KIF6: variants seen among roughly 807,000 people sequenced by gnomAD.
KIF6 encodes the protein kinesin family member 6, also known as kinesin-like protein KIF6.
KIF6 carries 106 observed loss-of-function variants against 112.7 expected under a neutral mutation model. That is an observed-to-expected ratio of 0.94 (90% CI 0.80 to 1.11). The LOEUF is 1.11. Ranked by LOEUF, KIF6 falls within the 50% of genes least tolerant of loss-of-function variation. KIF6 has a pLI of 0.00. For missense variants in KIF6, 929 were observed against 964.0 expected, an observed-to-expected ratio of 0.96 and a Z score of 0.48; for synonymous variants, 339 against 339.9, an observed-to-expected ratio of 1.00 and a Z score of 0.03.
chr6:39,578,170 C>A lies in KIF6; in HGVS notation c.1078-11G>T, dbSNP rs745374952. 6.4e-7 allele frequency: 1 copy of A among 1,559,006 alleles called. No homozygotes were observed. Among genetic ancestry groups the A allele is most frequent in the South Asian group, 1.1e-5 (1 of 89,906 alleles). Reference sequence around the variant, plus strand: ...TAGGCGTTTAATCACCTACAAATGGCAAAGAGGCAGAGAAAATGTCAACTT... The same window carrying A: ...TAGGCGTTTAATCACCTACAAATGGAAAAGAGGCAGAGAAAATGTCAACTT... On this transcript the variant is annotated splice_polypyrimidine_tract_variant and intron_variant, in intron 9 of 22. Transcript: ENST00000287152.
At chr6:39,420,151 G>T in intron 14 of KIF6, 148 bp from the exon 15 acceptor site, 1 of 620,358 alleles carries the variant, frequency 1.6e-6, no homozygotes, top group Non-Finnish European at 2.8e-6. Flanking sequence ...AATATATTAG[G>T]CTTAAAAATA....
intron 13 of KIF6, among the ~76,000 whole-genome samples, chr6:39,431,552 A>C (rs1771158675): frequency 6.6e-6 from 1 of 152,164 alleles, no homozygotes; most frequent in African/African-American, 2.4e-5. Flanking sequence ...TTAAATTTCC[A>C]GGCATTTAGT....
chr6:39,369,631 A>T (rs1468445369), intron 16 of KIF6, among the ~76,000 whole-genome samples: 1 of 152,152 alleles, frequency 6.6e-6, no homozygotes, highest in African/African-American at 2.4e-5. Flanking sequence ...TCTCTCCTTC[A>T]GATCTGCTCC....
chr6:39,562,115 G>T (rs745494389), intron 10 of KIF6, among the ~76,000 whole-genome samples: 9 of 152,166 alleles, frequency 5.9e-5, no homozygotes, highest in Non-Finnish European at 1.0e-4. Context: ...TAAGTTAGTG[G>T]CCCCATGATT....
chr6:39,508,880 C>T (rs1776600600), intron 13 of KIF6, among the ~76,000 whole-genome samples: 1 of 152,192 alleles, frequency 6.6e-6, no homozygotes. Context: ...GTGGCTTTCC[C>T]AGCACGGCAT....
chr6:39,596,126 T>C lies in KIF6; in HGVS notation c.774A>G (p.Ala258=). ...GAAGATGGCCCCCTACTCCAGTCTT[T>C]GCAACTCGCTCTGAACCAGCCAGGT... ...LVDLAGSERV[A]KTGVGGHLLT... The change falls in exon 7 of 23, where the codon GCA becomes GCG. Residue 258 remains alanine (A), a synonymous_variant. Transcript: ENST00000287152. 6.2e-7 allele frequency: 1 copy of C among 1,614,048 alleles called. No individual in the cohort carries two copies. The highest frequency in any genetic ancestry group is 8.5e-7 in the Non-Finnish European group (1 of 1,179,982).
At chr6:39,598,959 C>T (rs982725288) in intron 6 of KIF6, among the ~76,000 whole-genome samples, 2 of 152,020 alleles carry the variant, frequency 1.3e-5, no homozygotes, top group African/African-American at 4.8e-5. Flanking sequence ...AAAACATGGA[C>T]CAGAAGCATA....
chr6:39,669,014 T>A (rs930602256), intron 3 of KIF6, among the ~76,000 whole-genome samples: 3 of 152,122 alleles, frequency 2.0e-5, no homozygotes, highest in African/African-American at 4.8e-5. Flanking sequence ...TTGAATAAAT[T>A]TATTTTTCAA....
chr6:39,616,265 T>C (rs1326921512), intron 5 of KIF6, among the ~76,000 whole-genome samples: 1 of 152,206 alleles, frequency 6.6e-6, no homozygotes, highest in African/African-American at 2.4e-5. Flanking sequence ...TCAGAACTAT[T>C]ACACTTCTAC....
chr6:39,414,928 C>G (rs1460397407), intron 15 of KIF6, among the ~76,000 whole-genome samples: 4 of 152,086 alleles, frequency 2.6e-5, no homozygotes, highest in African/African-American at 7.2e-5. Context: ...GTGGCTCATG[C>G]CTGTAATCCC....
chr6:39,537,371 T>C (rs199853015), intron 13 of KIF6, among the ~76,000 whole-genome samples: 6,295 of 151,774 alleles, frequency 0.041, 290 homozygotes, highest in East Asian at 0.26. Flanking sequence ...AGCAAAGTGT[T>C]AGGATACAAA....
chr6:39,368,058 AC>A (rs1055510648), intron 16 of KIF6, among the ~76,000 whole-genome samples: 2 of 152,168 alleles, frequency 1.3e-5, no homozygotes, highest in African/African-American at 4.8e-5. Context: ...TACAGGCCCT[AC>A]AGAAGTTTAG....
intron 7 of KIF6, among the ~76,000 whole-genome samples, chr6:39,588,974 A>G (rs368363134): frequency 3.3e-3 from 502 of 152,192 alleles, no homozygotes; most frequent in Non-Finnish European, 5.6e-3. Flanking sequence ...TCTTCACACA[A>G]TCTAAGTTAT....
At chr6:39,610,694 A>G (rs1170959871) in intron 6 of KIF6, among the ~76,000 whole-genome samples, 3 of 152,260 alleles carry the variant, frequency 2.0e-5, no homozygotes, top group African/African-American at 7.2e-5. Context: ...TCAAGGTATA[A>G]ACTAAGGTGC....
chr6:39,559,433 A>T (rs1017989738), intron 10 of KIF6, among the ~76,000 whole-genome samples: 2 of 152,126 alleles, frequency 1.3e-5, no homozygotes, highest in African/African-American at 4.8e-5. Flanking sequence ...CTATATTTGA[A>T]TTACGTGACT....
At chr6:39,676,958 T>C (rs1036565776) in intron 3 of KIF6, among the ~76,000 whole-genome samples, 29 of 152,128 alleles carry the variant, frequency 1.9e-4, no homozygotes, top group African/African-American at 6.7e-4. Flanking sequence ...ATCCATGTCA[T>C]TTATAAAGAG....
chr6:39,393,605 A>C (rs560154788), intron 15 of KIF6, among the ~76,000 whole-genome samples: 1 of 152,334 alleles, frequency 6.6e-6, no homozygotes, highest in South Asian at 2.1e-4. Context: ...TTGACCATTA[A>C]AAACCTCTGT....
chr6:39,570,858 A>G (rs909751626), intron 10 of KIF6, among the ~76,000 whole-genome samples: 1 of 152,054 alleles, frequency 6.6e-6, no homozygotes, highest in South Asian at 2.1e-4. Context: ...AGTCAATTAA[A>G]CTTCTTTTCT....
intron 13 of KIF6, among the ~76,000 whole-genome samples, chr6:39,513,320 G>A (rs1776888109): frequency 6.6e-6 from 1 of 152,108 alleles, no homozygotes; most frequent in Non-Finnish European, 1.5e-5. Flanking sequence ...GCCTGCCTAA[G>A]TCATGCAAGT....
Sources: gnomAD v4.1 joint callset for allele counts (sites outside exome capture counted in the v4.1 genomes callset) on GRCh38, gnomAD v4.1.1 for gene constraint, MANE v1.5 for transcripts, NCBI Gene and HGNC (gene_info 2026-07-23, HGNC 2026-07-21) for gene names.